The following RGS8 variants were observed in gnomAD, a reference collection of about 807,000 sequenced individuals.
The protein encoded by RGS8 is regulator of G protein signaling 8, also known as regulator of G-protein signaling 8.
Under a neutral mutation model 21.7 loss-of-function variants are expected in RGS8, and 8 were observed. The observed-to-expected ratio is 0.37, with a 90% CI of 0.22 to 0.66. The LOEUF is 0.66. RGS8 is among the 30% of genes least tolerant of loss of function. The pLI is 0.59. For missense variants in RGS8, 157 were observed against 217.9 expected, an observed-to-expected ratio of 0.72 and a Z score of 1.76; for synonymous variants, 80 against 83.6, an observed-to-expected ratio of 0.96 and a Z score of 0.24.
At chr1:182,666,844 G>A (rs752315445) in intron 4 of RGS8, 28 bp downstream of exon 5, 7 of 1,546,864 alleles carry the variant, frequency 4.5e-6, no homozygotes, top group Non-Finnish European at 5.4e-6. Context: ...GTATTACCCA[G>A]GGAATGGCAC....
chr1:182,749,701 A>T, the RGS8 span, among the ~76,000 whole-genome samples: 1 of 152,188 alleles, frequency 6.6e-6, no homozygotes, highest in Non-Finnish European at 1.5e-5. Flanking sequence ...GACTGAGGAC[A>T]TTACTTAACC....
At chr1:182,730,492 C>T in the RGS8 span, among the ~76,000 whole-genome samples, 1 of 152,052 alleles carries the variant, frequency 6.6e-6, no homozygotes, top group Admixed American at 6.5e-5. Flanking sequence ...GGCAGATTGC[C>T]TGAGCTCCGG....
chr1:182,720,894 T>TATATGTATATATATATACAC, the RGS8 span, among the ~76,000 whole-genome samples: 1 of 49,966 alleles, frequency 2.0e-5, no homozygotes, highest in Non-Finnish European at 4.1e-5. Context: ...TATATACACA[T>TATATGTATATATATATACAC]ATATATACAT....
At chr1:182,670,040 C>A (rs890742760) in intron 2 of RGS8, among the ~76,000 whole-genome samples, 2 of 152,192 alleles carry the variant, frequency 1.3e-5, no homozygotes, top group South Asian at 4.1e-4. Flanking sequence ...GCCTAGCAAA[C>A]CAAAAATTAC....
chr1:182,730,413 CA>C, the RGS8 span, among the ~76,000 whole-genome samples: 120 of 146,366 alleles, frequency 8.2e-4, no homozygotes, highest in African/African-American at 2.2e-3. Context: ...GGGTTTAAAA[CA>C]AAAAAAAAAA....
chr1:182,716,893 A>T, the RGS8 span, among the ~76,000 whole-genome samples: 247 of 152,282 alleles, frequency 1.6e-3, no homozygotes, highest in African/African-American at 5.8e-3. Flanking sequence ...TCAGGCAGAA[A>T]ATCAGGCTTC....
upstream of RGS8, chr1:182,672,675 C>T (rs982066492): frequency 1.1e-5 from 10 of 920,014 alleles, no homozygotes; most frequent in Admixed American, 1.9e-5. Context: ...TAGAAACTCA[C>T]CTCTCTCCCT....
the RGS8 span, among the ~76,000 whole-genome samples, chr1:182,720,103 A>G: frequency 6.6e-6 from 1 of 152,166 alleles, no homozygotes; most frequent in Non-Finnish European, 1.5e-5. Flanking sequence ...TATTTTATTC[A>G]TTATTTTGAA....
the RGS8 span, among the ~76,000 whole-genome samples, chr1:182,691,847 G>A: frequency 6.6e-6 from 1 of 151,942 alleles, no homozygotes; most frequent in East Asian, 1.9e-4. Context: ...AGAAATAAAA[G>A]GCATCCAAAT....
chr1:182,698,234 C>G, the RGS8 span, among the ~76,000 whole-genome samples: 1 of 152,170 alleles, frequency 6.6e-6, no homozygotes, highest in African/African-American at 2.4e-5. Context: ...CTGTAAGGAG[C>G]TGGCATCATC....
chr1:182,693,347 G>A, the RGS8 span, among the ~76,000 whole-genome samples: 1 of 152,126 alleles, frequency 6.6e-6, no homozygotes, highest in Admixed American at 6.5e-5. Flanking sequence ...ACATACACAT[G>A]GCTGACAAGC....
chr1:182,746,606 C>CG, the RGS8 span, among the ~76,000 whole-genome samples: 1 of 151,458 alleles, frequency 6.6e-6, no homozygotes, highest in Non-Finnish European at 1.5e-5. Context: ...GAGTGGAGAT[C>CG]GCGCCACTGC....
chr1:182,711,707 C>A, the RGS8 span, among the ~76,000 whole-genome samples: 1 of 152,212 alleles, frequency 6.6e-6, no homozygotes. Context: ...ACCAGGAGCT[C>A]AAGGCCTTGG....
chr1:182,649,905 C>CTTTTTT (rs920729497), intron 5 of RGS8, among the ~76,000 whole-genome samples: 1 of 128,526 alleles, frequency 7.8e-6, no homozygotes, highest in African/African-American at 2.9e-5. Context: ...GTTAACAACT[C>CTTTTTT]TTTTTTTTTT....
chr1:182,733,602 G>A, the RGS8 span, among the ~76,000 whole-genome samples: 1 of 152,128 alleles, frequency 6.6e-6, no homozygotes, highest in African/African-American at 2.4e-5. Context: ...TGCCACACTG[G>A]AACACCAGGG....
chr1:182,659,582 C>T (rs7530691), intron 5 of RGS8, among the ~76,000 whole-genome samples: 101,133 of 151,806 alleles, frequency 0.67, 34,636 homozygotes, highest in Non-Finnish European at 0.75. Context: ...GCTTCTAATC[C>T]CAGCTACTTA....
chr1:182,675,052 T>C (rs1192271490), upstream of RGS8, among the ~76,000 whole-genome samples: 1 of 152,122 alleles, frequency 6.6e-6, no homozygotes, highest in African/African-American at 2.4e-5. Flanking sequence ...GCTGGACAGT[T>C]CCTCACATCT....
At chr1:182,677,734 T>C (rs1664410994), upstream of RGS8, among the ~76,000 whole-genome samples, 1 of 152,232 alleles carries the variant, frequency 6.6e-6, no homozygotes, top group Non-Finnish European at 1.5e-5. Context: ...CTTTTCTTTA[T>C]TCACTACTTT....
chr1:182,704,608 A>C, the RGS8 span, among the ~76,000 whole-genome samples: 1 of 152,098 alleles, frequency 6.6e-6, no homozygotes, highest in African/African-American at 2.4e-5. Context: ...CTCCCTCTAA[A>C]ACTGGTCCCT....
Sources: gnomAD v4.1 joint callset for allele counts (sites outside exome capture counted in the v4.1 genomes callset) on GRCh38, gnomAD v4.1.1 for gene constraint, MANE v1.5 for transcripts, NCBI Gene and HGNC (gene_info 2026-07-23, HGNC 2026-07-21) for gene names.